Variants in KIAA0930 observed in about 807,000 individuals in gnomAD.
The protein encoded by KIAA0930 is uncharacterized protein KIAA0930.
In KIAA0930, 24 loss-of-function variants were observed where a neutral mutation model predicts 43.9. The ratio of observed to expected loss-of-function variants is 0.55; its 90% CI spans 0.40 to 0.77. KIAA0930 has a LOEUF of 0.77. Ranked by LOEUF, KIAA0930 falls within the 30% of genes least tolerant of loss-of-function variation. The probability of loss-of-function intolerance (pLI) is 0.00; values close to 1 mark genes in which losing one functional copy is unlikely to be tolerated. For synonymous variants in KIAA0930, 259 were observed against 216.4 expected (o/e 1.20, Z -1.73); for missense variants, 461 against 574.2 (o/e 0.80, Z 2.02).
At chr22:45,206,701 A>ATTTTTTTT (rs55641702) in intron 2 of KIAA0930, among the ~76,000 whole-genome samples, 15 of 146,214 alleles carry the variant, frequency 1.0e-4, no homozygotes, top group Non-Finnish European at 1.5e-4. Context: ...CTGGCTTCCA[A>ATTTTTTTT]TTTTTTTTTT....
chr22:45,237,707 G>A (rs1235309370), intron 1 of KIAA0930, among the ~76,000 whole-genome samples: 1 of 152,228 alleles, frequency 6.6e-6, no homozygotes, highest in African/African-American at 2.4e-5. Flanking sequence ...CTAACAGGCT[G>A]TCACAGAGGT....
At chr22:45,207,259 C>A (rs1050075434) in intron 2 of KIAA0930, among the ~76,000 whole-genome samples, 2 of 151,628 alleles carry the variant, frequency 1.3e-5, no homozygotes, top group Non-Finnish European at 2.9e-5. Flanking sequence ...GATCTACCCA[C>A]CTCGGCCTCC....
At chr22:45,228,553 C>T (rs925648414) in intron 1 of KIAA0930, among the ~76,000 whole-genome samples, 4 of 152,146 alleles carry the variant, frequency 2.6e-5, no homozygotes, top group Non-Finnish European at 5.9e-5. Context: ...TTCCCAGAAG[C>T]GGCTCAGCAA....
At chr22:45,211,752 C>T (rs1189547581) in intron 2 of KIAA0930, among the ~76,000 whole-genome samples, 1 of 152,226 alleles carries the variant, frequency 6.6e-6, no homozygotes, top group South Asian at 2.1e-4. Flanking sequence ...AGATGAATGA[C>T]AATGTGTACA....
At chr22:45,224,517 C>T (rs2083786633) in intron 1 of KIAA0930, among the ~76,000 whole-genome samples, 1 of 151,794 alleles carries the variant, frequency 6.6e-6, no homozygotes, top group African/African-American at 2.4e-5. Flanking sequence ...CCGGCTCCCG[C>T]GGTTGGAAGC....
At chr22:45,213,994 G>C (rs992426912) in intron 1 of KIAA0930, among the ~76,000 whole-genome samples, 5 of 151,966 alleles carry the variant, frequency 3.3e-5, no homozygotes, top group Non-Finnish European at 5.9e-5. Flanking sequence ...CTGGGTGACA[G>C]AGCAAGACTC....
intron 1 of KIAA0930, among the ~76,000 whole-genome samples, chr22:45,227,347 T>C (rs2083808458): frequency 6.6e-6 from 1 of 152,066 alleles, no homozygotes; most frequent in South Asian, 2.1e-4. Flanking sequence ...CCTCCTCTAC[T>C]CTGACTTCTG....
At chr22:45,199,122 G>C (rs984137218) in intron 8 of KIAA0930, among the ~76,000 whole-genome samples, 6 of 152,178 alleles carry the variant, frequency 3.9e-5, no homozygotes, top group Non-Finnish European at 8.8e-5. Flanking sequence ...ATTTCCCACA[G>C]AGACTGCTGA....
At chr22:45,235,388 G>A (rs897209056) in intron 1 of KIAA0930, 4 of 152,212 alleles carry the variant, frequency 2.6e-5, no homozygotes, top group Non-Finnish European at 5.9e-5. Flanking sequence ...AGGGCCTCCT[G>A]GGCTGCTCCA....
At chr22:45,240,096 C>T (rs757867404) in intron 1 of KIAA0930, among the ~76,000 whole-genome samples, 30 of 151,848 alleles carry the variant, frequency 2.0e-4, no homozygotes, top group Non-Finnish European at 2.9e-4. Context: ...GGGGCCATTG[C>T]CCAACAGGTC....
At chr22:45,223,405 T>C (rs1224162587) in intron 1 of KIAA0930, among the ~76,000 whole-genome samples, 2 of 152,240 alleles carry the variant, frequency 1.3e-5, no homozygotes, top group East Asian at 3.8e-4. Flanking sequence ...GGGTCCATCC[T>C]GGCTCTGGCA....
intron 1 of KIAA0930, among the ~76,000 whole-genome samples, chr22:45,225,867 G>A (rs1370336973): frequency 6.6e-6 from 1 of 152,232 alleles, no homozygotes; most frequent in African/African-American, 2.4e-5. Flanking sequence ...TCATTGATCT[G>A]ATGAGGAACT....
intron 8 of KIAA0930, among the ~76,000 whole-genome samples, chr22:45,198,764 C>T (rs2083559694): frequency 6.6e-6 from 1 of 152,238 alleles, no homozygotes; most frequent in South Asian, 2.1e-4. Context: ...ATTCTCCTGC[C>T]TCAGCCTCCT....
chr22:45,197,761 G>A (rs370614546), intron 9 of KIAA0930, 29 bp downstream of exon 9: 35 of 1,611,532 alleles, frequency 2.2e-5, no homozygotes, highest in Admixed American at 8.3e-5. Context: ...GAGAAGGTGC[G>A]GCTGCTTCCC....
chr22:45,200,094 C>G, intron 7 of KIAA0930, 59 bp from the exon 8 acceptor site: 2 of 1,490,254 alleles, frequency 1.3e-6, no homozygotes, highest in Non-Finnish European at 1.8e-6. Flanking sequence ...CCGGGGGTCC[C>G]AACGCCCCTC....
chr22:45,237,950 T>C (rs1429368344), intron 1 of KIAA0930, among the ~76,000 whole-genome samples: 2 of 150,724 alleles, frequency 1.3e-5, no homozygotes, highest in Non-Finnish European at 2.9e-5. Flanking sequence ...AGACAGAGTC[T>C]CACTCTGTAG....
chr22:45,199,784 G>T, intron 8 of KIAA0930, 89 bp downstream of exon 8: 1 of 1,251,124 alleles, frequency 8.0e-7, no homozygotes, highest in Non-Finnish European at 1.1e-6. Context: ...ATGAACAAAT[G>T]AATGAATGAA....
intron 1 of KIAA0930, among the ~76,000 whole-genome samples, chr22:45,229,439 G>T (rs956995118): frequency 1.9e-4 from 28 of 150,838 alleles, no homozygotes; most frequent in Admixed American, 1.8e-3. Flanking sequence ...CTGAGCTGGT[G>T]CGAGGGATGA....
At chr22:45,209,540 G>A (rs962592337) in intron 2 of KIAA0930, among the ~76,000 whole-genome samples, 1 of 152,178 alleles carries the variant, frequency 6.6e-6, no homozygotes, top group Non-Finnish European at 1.5e-5. Flanking sequence ...CACGGGGCGT[G>A]TCCTCAGCCC....
Sources: allele counts gnomAD v4.1 joint callset (sites outside exome capture counted in the v4.1 genomes callset), GRCh38; gene constraint gnomAD v4.1.1; transcripts MANE v1.5; gene names NCBI Gene and HGNC (gene_info 2026-07-23, HGNC 2026-07-21).